SYT1: variants seen among roughly 807,000 people sequenced by gnomAD.
SYT1 encodes synaptotagmin-1.
A neutral mutation model predicts 44.8 loss-of-function variants in SYT1; 8 were observed. The ratio of observed to expected loss-of-function variants is 0.18; its 90% confidence interval spans 0.10 to 0.32. SYT1 has a LOEUF of 0.32. Among genes scored for constraint, SYT1 ranks in the 10% least tolerant of loss-of-function variants. The pLI, the probability that SYT1 is intolerant of heterozygous loss-of-function variation, is 1.00. For synonymous variants in SYT1, 154 were observed against 188.8 expected (o/e 0.82, Z 1.51); for missense variants, 286 against 509.3 (o/e 0.56, Z 4.22).
chr12:79,133,252 C>T (rs760007054), intron 3 of SYT1, among the ~76,000 whole-genome samples: 2 of 152,094 alleles, frequency 1.3e-5, no homozygotes, highest in South Asian at 4.2e-4. Context: ...GGTGCAGTGG[C>T]TCACACCTGT....
At chr12:78,865,755 A>G (rs890449425) in intron 1 of SYT1, among the ~76,000 whole-genome samples, 8 of 152,278 alleles carry the variant, frequency 5.3e-5, no homozygotes, top group Non-Finnish European at 1.2e-4. Context: ...TTCAAATGGA[A>G]CAAAAATAAA....
chr12:79,166,462 G>A (rs1301845606), intron 3 of SYT1, among the ~76,000 whole-genome samples: 1 of 151,940 alleles, frequency 6.6e-6, no homozygotes, highest in Non-Finnish European at 1.5e-5. Flanking sequence ...ACACTGCAGA[G>A]ACTAGGAGAC....
Position 79,318,714 on chromosome 12 carries a change from C to A in SYT1, c.810+19163C>A, listed in dbSNP as rs377706972. 3.8e-4 allele frequency among the ~76,000 whole-genome samples: 58 copies of A among 152,212 alleles called. No individual in the cohort carries two copies. The South Asian group carries it at 0.012, about 30-fold the overall frequency. On this transcript the variant is annotated intron_variant, in intron 8 of 10. Transcript: ENST00000261205. ...TTTCTACATGAATAAATCAATATTCCGACAAGGTGCTTCCCTGAATTTTAA... is the reference window on the plus strand; with the variant it reads ...TTTCTACATGAATAAATCAATATTCAGACAAGGTGCTTCCCTGAATTTTAA...
chr12:79,071,727 G>C (rs938691972), intron 3 of SYT1, among the ~76,000 whole-genome samples: 4 of 152,030 alleles, frequency 2.6e-5, no homozygotes, highest in Non-Finnish European at 5.9e-5. Context: ...AACTCTAATT[G>C]CTGCCTCTGT....
At chr12:79,197,363 G>A (rs1008371896) in intron 3 of SYT1, among the ~76,000 whole-genome samples, 3 of 152,094 alleles carry the variant, frequency 2.0e-5, no homozygotes, top group African/African-American at 4.8e-5. Flanking sequence ...TGCGATATTA[G>A]GGTACAAAAT....
At chr12:78,960,538 C>T (rs758387913) in intron 1 of SYT1, 1 of 152,172 alleles carries the variant, frequency 6.6e-6, no homozygotes, top group South Asian at 2.1e-4. Flanking sequence ...CTAAATGTAA[C>T]AAACAAATGT....
At chr12:79,101,881 A>C (rs552846139) in intron 3 of SYT1, among the ~76,000 whole-genome samples, 143 of 152,144 alleles carry the variant, frequency 9.4e-4, no homozygotes, top group Non-Finnish European at 1.2e-3. Context: ...ATTCCAGCCT[A>C]GGTGACAGAG....
chr12:79,031,065 G>C (rs1277600645), intron 2 of SYT1, among the ~76,000 whole-genome samples: 1 of 150,938 alleles, frequency 6.6e-6, no homozygotes, highest in Non-Finnish European at 1.5e-5. Flanking sequence ...AGTTTAAATA[G>C]AGAATAAACA....
chr12:79,321,706 A>T (rs772843153), intron 8 of SYT1, among the ~76,000 whole-genome samples: 1 of 152,230 alleles, frequency 6.6e-6, no homozygotes, highest in Non-Finnish European at 1.5e-5. Flanking sequence ...TTACCAAAAT[A>T]TGTTATACAA....
At chr12:78,907,522 C>G (rs1876060786) in intron 1 of SYT1, among the ~76,000 whole-genome samples, 1 of 151,950 alleles carries the variant, frequency 6.6e-6, no homozygotes, top group Non-Finnish European at 1.5e-5. Flanking sequence ...TCTAGCAAAG[C>G]AAAATGATTA....
chr12:78,880,310 C>A (rs754504144), intron 1 of SYT1, among the ~76,000 whole-genome samples: 3 of 151,638 alleles, frequency 2.0e-5, no homozygotes, highest in Non-Finnish European at 4.4e-5. Context: ...TTGATTACTT[C>A]TTCAAACCTT....
At chr12:79,298,578 C>G (rs1879985255) in intron 7 of SYT1, among the ~76,000 whole-genome samples, 1 of 152,024 alleles carries the variant, frequency 6.6e-6, no homozygotes, top group East Asian at 1.9e-4. Flanking sequence ...GTATTTCTAC[C>G]CAGTTACTGA....
rs1444152346 is a variant in SYT1 at position 79,246,763 on chromosome 12, TG to T, written c.166+29083del. On this transcript the variant is annotated intron_variant, in intron 4 of 10. Transcript: ENST00000261205. Reference sequence around the variant, plus strand: ...TGATGAAGTTTCAACATATGAATTTTGGGGGACACATTCAGACAATAATGGC... The same window carrying T: ...TGATGAAGTTTCAACATATGAATTTTGGGGACACATTCAGACAATAATGGC... Among the ~76,000 whole-genome samples, 10 of 152,348 alleles carry T rather than the reference TG, an allele frequency of 6.6e-5. No individual in the cohort carries two copies. The East Asian group carries it at 1.9e-3, about 29-fold the overall frequency.
chr12:79,449,114 T>C lies in SYT1; in HGVS notation c.1259T>C (p.Val420Ala), dbSNP rs369953539. The change falls in exon 11 of 11, where the codon GTC becomes GCC. Residue 420 changes from valine to alanine, a missense_variant. By Grantham distance (64) the Val-to-Ala change is moderately conservative (BLOSUM62 0). Transcript: ENST00000261205. ...GAGGAAGTTGATGCCATGCTGGCCG[T>C]CAAGAAGTAAAGGAAAGAAGAAGCC... ...VEEEVDAMLAVKK is the reference protein window; with the variant it reads ...VEEEVDAMLAAKK 62 of 1,609,850 alleles carry C rather than the reference T, an allele frequency of 3.9e-5. No homozygotes were observed. The African/African-American group carries it at 7.9e-4, about 20-fold the overall frequency.
chr12:79,178,176 C>T (rs1010862272), intron 3 of SYT1, among the ~76,000 whole-genome samples: 7 of 152,044 alleles, frequency 4.6e-5, no homozygotes, highest in African/African-American at 7.2e-5. Context: ...TTGGCCCTTG[C>T]CTGAATCACT....
intron 3 of SYT1, among the ~76,000 whole-genome samples, chr12:79,147,778 A>G (rs1870012292): frequency 6.6e-6 from 1 of 152,244 alleles, no homozygotes; most frequent in Admixed American, 6.5e-5. Context: ...AATATGAAAT[A>G]TCAATCCTGA....
chr12:78,933,501 T>C (rs1877869426), intron 1 of SYT1, among the ~76,000 whole-genome samples: 1 of 152,200 alleles, frequency 6.6e-6, no homozygotes, highest in Admixed American at 6.5e-5. Flanking sequence ...TTGGCTTAAA[T>C]GTAATGTTCT....
intron 9 of SYT1, among the ~76,000 whole-genome samples, chr12:79,370,694 C>T (rs1883749779): frequency 1.3e-5 from 2 of 152,110 alleles, no homozygotes; most frequent in East Asian, 1.9e-4. Context: ...ACCCGGGAGG[C>T]GGAGCTTGCA....
chr12:79,401,652 A>G (rs1218593299), intron 9 of SYT1, among the ~76,000 whole-genome samples: 1 of 150,602 alleles, frequency 6.6e-6, no homozygotes, highest in Non-Finnish European at 1.5e-5. Flanking sequence ...AATAATTAAA[A>G]CTCAACAAAA....
Sources: allele counts gnomAD v4.1 joint callset (sites outside exome capture counted in the v4.1 genomes callset), GRCh38; gene constraint gnomAD v4.1.1; transcripts MANE v1.5; gene names NCBI Gene and HGNC (gene_info 2026-07-23, HGNC 2026-07-21).